The following ZNF804B variants were observed in gnomAD, a reference collection of about 807,000 sequenced individuals.
ZNF804B encodes the protein zinc finger protein 804B, also known as zinc finger 804B.
Under a neutral mutation model 101.4 loss-of-function variants are expected in ZNF804B, and 80 were observed. The ratio of observed to expected loss-of-function variants is 0.79; its 90% CI spans 0.66 to 0.95. The LOEUF (loss-of-function observed/expected upper bound fraction) is 0.95. Ranked by LOEUF, ZNF804B falls within the 40% of genes least tolerant of loss-of-function variation. The pLI is 0.00. For missense variants in ZNF804B, 1,673 were observed against 1,561.9 expected (o/e 1.07, Z -1.20); for synonymous variants, 622 against 558.8 (o/e 1.11, Z -1.59).
chr7:89,139,361 G>A (rs2116390670), intron 1 of ZNF804B, among the ~76,000 whole-genome samples: 1 of 152,160 alleles, frequency 6.6e-6, no homozygotes, highest in Non-Finnish European at 1.5e-5. Flanking sequence ...TGGTGGCTGT[G>A]TAAATTTCTT....
At chr7:88,918,338 T>C (rs1280427622) in intron 1 of ZNF804B, among the ~76,000 whole-genome samples, 1 of 152,180 alleles carries the variant, frequency 6.6e-6, no homozygotes, top group Non-Finnish European at 1.5e-5. Context: ...TTTGGTTCAG[T>C]TAAGTTATAA....
At chr7:88,876,122 A>G (rs149892419) in intron 1 of ZNF804B, among the ~76,000 whole-genome samples, 10 of 152,260 alleles carry the variant, frequency 6.6e-5, no homozygotes, top group African/African-American at 2.2e-4. Context: ...ATTTTGGCTA[A>G]TGAAATCATG....
chr7:89,315,298 C>A (rs552088319), intron 2 of ZNF804B, among the ~76,000 whole-genome samples: 1 of 152,070 alleles, frequency 6.6e-6, no homozygotes, highest in African/African-American at 2.4e-5. Context: ...CACACGAGGC[C>A]GCAGCTCCAC....
chr7:88,970,227 A>T (rs1197212256), intron 1 of ZNF804B, among the ~76,000 whole-genome samples: 1 of 151,622 alleles, frequency 6.6e-6, no homozygotes, highest in Admixed American at 6.6e-5. Flanking sequence ...TCTGGGATAC[A>T]TGTGCAGGAT....
intron 1 of ZNF804B, among the ~76,000 whole-genome samples, chr7:88,809,226 T>G (rs1346960586): frequency 6.6e-6 from 1 of 152,198 alleles, no homozygotes; most frequent in East Asian, 1.9e-4. Flanking sequence ...TAATTTTAAA[T>G]AGAAATCTTA....
chr7:88,774,158 A>G (rs1790109723), intron 1 of ZNF804B, among the ~76,000 whole-genome samples: 1 of 150,894 alleles, frequency 6.6e-6, no homozygotes, highest in South Asian at 2.1e-4. Flanking sequence ...ACAATTCTAA[A>G]TTTTTATCTA....
At chr7:88,822,763 A>G (rs953476575) in intron 1 of ZNF804B, among the ~76,000 whole-genome samples, 9 of 152,140 alleles carry the variant, frequency 5.9e-5, no homozygotes, top group African/African-American at 2.2e-4. Flanking sequence ...AGCAAACACA[A>G]TTTAAATTAT....
intron 1 of ZNF804B, among the ~76,000 whole-genome samples, chr7:89,208,872 C>T (rs1161975546): frequency 6.6e-6 from 1 of 152,004 alleles, no homozygotes; most frequent in Non-Finnish European, 1.5e-5. Context: ...ATTAGCCGGG[C>T]GAGCTGGCAG....
At chr7:88,833,420 T>C (rs1300448638) in intron 1 of ZNF804B, among the ~76,000 whole-genome samples, 1 of 151,908 alleles carries the variant, frequency 6.6e-6, no homozygotes, top group Non-Finnish European at 1.5e-5. Context: ...ACAGGTTCTT[T>C]AGCTCTTACA....
rs1791520224 is a variant in ZNF804B, at chr7:88,854,527, T to TTTCCTTCCCTTCCCTTCCC, written c.108+94451_108+94452insCTTCCCTTCCCTTCCTTCC. The stretch of plus-strand genomic sequence containing the variant: ...CTTTCCTTTCCTTTCCTTTCCTTCC[T>TTTCCTTCCCTTCCCTTCCC]TTCCTTCCTTCCTTCCTTCCTTCCT... On this transcript the variant is annotated intron_variant, in intron 1 of 3. Coordinates refer to ENST00000333190, the MANE Select transcript of ZNF804B (RefSeq NM_181646.5). Among the ~76,000 whole-genome samples the TTTCCTTCCCTTCCCTTCCC allele has an allele frequency of 9.7e-4, 39 of 40,078 alleles. 2 individuals are homozygous for TTTCCTTCCCTTCCCTTCCC. Among genetic ancestry groups the TTTCCTTCCCTTCCCTTCCC allele is most frequent in the African/African-American group, 3.3e-3 (32 of 9,628 alleles). The allele number at this position is 40,078 out of a possible 152,430, so 26.3% of individuals were successfully genotyped here. A position where few individuals can be genotyped will look rare whatever the true frequency, so the allele number is the denominator to read the frequency against.
intron 1 of ZNF804B, among the ~76,000 whole-genome samples, chr7:88,821,120 A>G (rs558223866): frequency 3.5e-4 from 54 of 152,294 alleles, no homozygotes; most frequent in Middle Eastern, 3.4e-3. Flanking sequence ...ATGACTTAAA[A>G]TATACAAACA....
chr7:89,195,592 G>T (rs1788534446), intron 1 of ZNF804B, among the ~76,000 whole-genome samples: 1 of 151,550 alleles, frequency 6.6e-6, no homozygotes, highest in African/African-American at 2.4e-5. Context: ...ATTCACAATT[G>T]CTTCAAAGAG....
intron 1 of ZNF804B, among the ~76,000 whole-genome samples, chr7:88,831,270 G>T (rs1791127975): frequency 1.3e-5 from 2 of 151,756 alleles, no homozygotes; most frequent in Admixed American, 1.3e-4. Flanking sequence ...ACTTTCTATT[G>T]CTAAGGATTT....
chr7:89,140,868 T>G (rs1026132334), intron 1 of ZNF804B, among the ~76,000 whole-genome samples: 5 of 152,122 alleles, frequency 3.3e-5, no homozygotes, highest in African/African-American at 4.8e-5. Flanking sequence ...GGCTAAGTGT[T>G]TGATAAAGAG....
At position 88,995,222 on chromosome 7, in the gene ZNF804B, AATAG is replaced by A. The variant is rs1404414728; in HGVS notation, c.109-222928_109-222925del. Among the ~76,000 whole-genome samples, 3 of 152,052 alleles carry A rather than the reference AATAG, an allele frequency of 2.0e-5. 1 individual carries two copies. The highest frequency in any genetic ancestry group is 4.1e-4 in the South Asian group (2 of 4,824). On this transcript the variant is annotated intron_variant, in intron 1 of 3. Coordinates refer to ENST00000333190, the MANE Select transcript of ZNF804B (RefSeq NM_181646.5). ...AGGCTCTTTGATTTGCAAGTAGAAA[AATAG>A]ATAGGTCAAGGATGAGAGTAAGTTG...
intron 1 of ZNF804B, among the ~76,000 whole-genome samples, chr7:89,131,320 A>G (rs1329104683): frequency 6.6e-6 from 1 of 152,056 alleles, no homozygotes; most frequent in Non-Finnish European, 1.5e-5. Flanking sequence ...GAAAACCAGA[A>G]AGTCTGCCAA....
intron 1 of ZNF804B, among the ~76,000 whole-genome samples, chr7:89,088,337 G>A (rs1329269457): frequency 6.6e-6 from 1 of 151,926 alleles, no homozygotes; most frequent in African/African-American, 2.4e-5. Context: ...CAAAGGCAAG[G>A]TGGATATAGG....
chr7:89,087,472 C>T (rs1009872582), intron 1 of ZNF804B, among the ~76,000 whole-genome samples: 4 of 151,872 alleles, frequency 2.6e-5, no homozygotes, highest in African/African-American at 9.7e-5. Context: ...ACATTAATAA[C>T]ACATAAATAC....
chr7:88,774,112 C>T (rs922211570), intron 1 of ZNF804B, among the ~76,000 whole-genome samples: 1 of 151,866 alleles, frequency 6.6e-6, no homozygotes, highest in Non-Finnish European at 1.5e-5. Context: ...ATGCACAAAG[C>T]ACTTAGGTCA....
Sources: allele counts gnomAD v4.1 joint callset (sites outside exome capture counted in the v4.1 genomes callset), GRCh38; gene constraint gnomAD v4.1.1; transcripts MANE v1.5; gene names NCBI Gene and HGNC (gene_info 2026-07-23, HGNC 2026-07-21).